The following SAMD3 variants were observed in gnomAD, a reference collection of about 807,000 sequenced individuals.
SAMD3 encodes sterile alpha motif domain-containing protein 3.
A neutral mutation model predicts 58.5 loss-of-function variants in SAMD3; 63 were observed. The ratio of observed to expected loss-of-function variants is 1.08; its 90% confidence interval spans 0.88 to 1.33. SAMD3 has a LOEUF of 1.33. SAMD3 is among the 40% of genes most tolerant of loss of function. The probability of loss-of-function intolerance (pLI) is 0.00; values close to 1 mark genes in which losing one functional copy is unlikely to be tolerated. For synonymous variants in SAMD3, 220 were observed against 210.3 expected, an observed-to-expected ratio of 1.05 and a Z score of -0.40; for missense variants, 604 against 608.4, an observed-to-expected ratio of 0.99 and a Z score of 0.08.
At chr6:130,193,877 C>T (rs1793812124) in intron 5 of SAMD3, among the ~76,000 whole-genome samples, 2 of 152,276 alleles carry the variant, frequency 1.3e-5, no homozygotes, top group East Asian at 1.9e-4. Flanking sequence ...AGTCTCTGTG[C>T]CCAATGCAAC....
chr6:130,178,253 G>A (rs1220792299), intron 7 of SAMD3, among the ~76,000 whole-genome samples: 1 of 125,638 alleles, frequency 8.0e-6, no homozygotes, highest in Non-Finnish European at 1.7e-5. Flanking sequence ...TGGGATTACA[G>A]GCGTGAGCCA....
chr6:130,362,143 G>C (rs553549692), intron 1 of SAMD3, among the ~76,000 whole-genome samples: 1 of 152,364 alleles, frequency 6.6e-6, no homozygotes, highest in Non-Finnish European at 1.5e-5. Context: ...GATATAAGCA[G>C]AGCACCAGGG....
chr6:130,174,173 CA>C (rs2114663044), intron 8 of SAMD3, among the ~76,000 whole-genome samples: 1 of 152,268 alleles, frequency 6.6e-6, no homozygotes, highest in East Asian at 1.9e-4. Flanking sequence ...GCCTCTTTTC[CA>C]GGGGATTGAA....
chr6:130,201,037 C>G (rs1794608675), intron 5 of SAMD3, among the ~76,000 whole-genome samples: 1 of 152,200 alleles, frequency 6.6e-6, no homozygotes, highest in Non-Finnish European at 1.5e-5. Flanking sequence ...CTCTCCTCTT[C>G]TCCTCAGTAA....
At chr6:130,190,153 T>A (rs1267611832) in intron 5 of SAMD3, among the ~76,000 whole-genome samples, 5 of 152,054 alleles carry the variant, frequency 3.3e-5, no homozygotes, top group Admixed American at 3.3e-4. Flanking sequence ...ATAAAAGAAC[T>A]CAACAGATTT....
At chr6:130,295,309 A>C (rs1775534306) in intron 2 of SAMD3, among the ~76,000 whole-genome samples, 9 of 152,082 alleles carry the variant, frequency 5.9e-5, no homozygotes, top group Admixed American at 5.9e-4. Context: ...GGGCTTCACT[A>C]TTGAAGGTAT....
At chr6:130,147,470 C>G (rs543920759) in intron 9 of SAMD3, among the ~76,000 whole-genome samples, 2 of 152,272 alleles carry the variant, frequency 1.3e-5, no homozygotes, top group South Asian at 4.1e-4. Flanking sequence ...GGGCTCATAG[C>G]CTAAGAATTT....
intron 1 of SAMD3, among the ~76,000 whole-genome samples, chr6:130,325,462 G>A (rs74537901): frequency 0.019 from 2,820 of 152,234 alleles, 26 homozygotes; most frequent in Non-Finnish European, 0.027. Context: ...TCAGGCTCTC[G>A]ACAGATTGGA....
intron 1 of SAMD3, among the ~76,000 whole-genome samples, chr6:130,351,523 T>A (rs935166139): frequency 6.6e-6 from 1 of 152,046 alleles, no homozygotes; most frequent in African/African-American, 2.4e-5. Context: ...AAAACCACAA[T>A]GAGATACCAT....
chr6:130,166,831 T>C (rs924406099), intron 8 of SAMD3, among the ~76,000 whole-genome samples: 1 of 152,190 alleles, frequency 6.6e-6, no homozygotes, highest in Non-Finnish European at 1.5e-5. Flanking sequence ...GAAATTATGC[T>C]TTATACCTAT....
intron 2 of SAMD3, among the ~76,000 whole-genome samples, chr6:130,296,893 C>A (rs1184933209): frequency 1.3e-5 from 2 of 152,154 alleles, no homozygotes; most frequent in Non-Finnish European, 2.9e-5. Flanking sequence ...AAGTGGATCA[C>A]ATTCCTGCCA....
intron 2 of SAMD3, among the ~76,000 whole-genome samples, chr6:130,270,471 G>A (rs1476532908): frequency 2.6e-5 from 4 of 152,198 alleles, no homozygotes; most frequent in Non-Finnish European, 4.4e-5. Context: ...TTTCTAGGAC[G>A]TCATTGGCCT....
At chr6:130,234,541 C>A (rs79772118) in intron 2 of SAMD3, among the ~76,000 whole-genome samples, 3,815 of 152,102 alleles carry the variant, frequency 0.025, 67 homozygotes, top group Non-Finnish European at 0.039. Flanking sequence ...AAACAATTAT[C>A]ATAATCAATA....
chr6:130,197,722 G>A (rs998322790), intron 5 of SAMD3, among the ~76,000 whole-genome samples: 16 of 151,832 alleles, frequency 1.1e-4, no homozygotes, highest in African/African-American at 3.1e-4. Context: ...GAGAAACATC[G>A]CCCATTATCT....
rs74297812 is a variant in SAMD3, at chr6:130,236,358, T to G, written c.-187-13545A>C. Reference sequence around the variant, plus strand: ...TTCCCTGCCCTAAATAAATTATAGTTAAGAAGAAAGCAAGAAAATGATTGA... The same window carrying G: ...TTCCCTGCCCTAAATAAATTATAGTGAAGAAGAAAGCAAGAAAATGATTGA... On this transcript the variant is annotated intron_variant, in intron 2 of 13. Coordinates refer to the SAMD3 transcript ENST00000368134. Among the ~76,000 whole-genome samples the G allele has an allele frequency of 2.7e-5, 4 of 150,580 alleles. No individual in the cohort carries two copies. The East Asian group carries it at 7.8e-4, about 29-fold the overall frequency.
At chr6:130,365,087 C>A in intron 1 of SAMD3, 1 of 784,120 alleles carries the variant, frequency 1.3e-6, no homozygotes. Context: ...GTTGGAATAT[C>A]CGGTAATTAG....
chr6:130,336,966 A>C (rs1347152604), intron 1 of SAMD3, among the ~76,000 whole-genome samples: 3 of 152,220 alleles, frequency 2.0e-5, no homozygotes, highest in Non-Finnish European at 1.5e-5. Context: ...TAGATGCTTA[A>C]CGCCACCAGC....
intron 11 of SAMD3, 89 bp downstream of exon 11, chr6:130,145,251 C>CCAT (rs1439101529): frequency 1.2e-5 from 7 of 608,674 alleles, no homozygotes; most frequent in Middle Eastern, 4.9e-4. Context: ...GAGTGAGACT[C>CCAT]CATCTCAAAA....
At chr6:130,245,665 C>T (rs1269209863) in intron 2 of SAMD3, among the ~76,000 whole-genome samples, 1 of 152,194 alleles carries the variant, frequency 6.6e-6, no homozygotes, top group East Asian at 1.9e-4. Context: ...CTCAACCTTC[C>T]TTTGGAGCAG....
Sources: allele counts gnomAD v4.1 joint callset (sites outside exome capture counted in the v4.1 genomes callset), GRCh38; gene constraint gnomAD v4.1.1; transcripts MANE v1.5; gene names NCBI Gene and HGNC (gene_info 2026-07-23, HGNC 2026-07-21).